Variants in XPOT observed in about 807,000 individuals in gnomAD.
XPOT encodes exportin for tRNA.
XPOT carries 34 observed loss-of-function variants against 128.2 expected under a neutral mutation model. The observed-to-expected ratio is 0.27, with a 90% CI of 0.20 to 0.35. XPOT has a LOEUF of 0.35. Ranked by LOEUF, XPOT falls within the 10% of genes least tolerant of loss-of-function variation. The pLI is 1.00. For synonymous variants in XPOT, 348 were observed against 394.3 expected (o/e 0.88, Z 1.39); for missense variants, 838 against 1,125.3 (o/e 0.74, Z 3.65).
intron 15 of XPOT, among the ~76,000 whole-genome samples, chr12:64,426,573 C>T (rs2040194487): frequency 6.6e-6 from 1 of 152,166 alleles, no homozygotes; most frequent in Non-Finnish European, 1.5e-5. Context: ...GAAAAACTTC[C>T]TGTTGGGTAC....
intron 23 of XPOT, among the ~76,000 whole-genome samples, chr12:64,440,836 A>G (rs771705536): frequency 5.9e-5 from 9 of 152,240 alleles, no homozygotes; most frequent in Non-Finnish European, 1.2e-4. Flanking sequence ...GTTTTTTTAT[A>G]TGTTAGAAAT....
In XPOT at chr12:64,404,463, C is replaced by G. The variant is rs1409728536; in HGVS notation, c.-416C>G. On this transcript the variant is annotated 5_prime_UTR_variant, in exon 1 of 25. Coordinates refer to ENST00000332707, the MANE Select transcript of XPOT (RefSeq NM_007235.6). ...ACGCGGGGAGCGCGCTTCGCGCTGA[C>G]TCAGCGGCGGCGGCGGCTGCGGCGG... The G allele has an allele frequency of 1.3e-5, 2 of 157,752 alleles. No individual in the cohort carries two copies. The highest frequency in any genetic ancestry group is 3.7e-4 in the East Asian group (2 of 5,412). The allele number at this position is 157,752 out of a possible 1,614,324, so 9.8% of individuals were successfully genotyped here.
intron 16 of XPOT, among the ~76,000 whole-genome samples, chr12:64,429,203 C>A (rs1185289282): frequency 1.3e-5 from 2 of 152,116 alleles, no homozygotes; most frequent in Non-Finnish European, 2.9e-5. Flanking sequence ...TTCTGATGTT[C>A]AAGGCCGCAG....
chr12:64,448,136 T>A lies in XPOT; in HGVS notation c.*5T>A. 6.2e-7 allele frequency: 1 copy of A among 1,613,872 alleles called. No homozygotes were observed. The highest frequency in any genetic ancestry group is 8.5e-7 in the Non-Finnish European group (1 of 1,179,788). Reference sequence around the variant, plus strand: ...TTCCAGAGAGCAAAGCCCTGAGGACTGGATTTCCCTGTGCCTACTTCATGA... The same window carrying A: ...TTCCAGAGAGCAAAGCCCTGAGGACAGGATTTCCCTGTGCCTACTTCATGA... On this transcript the variant is annotated 3_prime_UTR_variant, in exon 25 of 25. Coordinates refer to ENST00000332707, the MANE Select transcript of XPOT (RefSeq NM_007235.6).
At chr12:64,431,153 A>G (rs549575697) in intron 17 of XPOT, among the ~76,000 whole-genome samples, 1 of 152,324 alleles carries the variant, frequency 6.6e-6, no homozygotes, top group African/African-American at 2.4e-5. Context: ...CATGTTGTCC[A>G]GACTGGTCTT....
intron 24 of XPOT, among the ~76,000 whole-genome samples, chr12:64,446,366 T>C (rs568639801): frequency 2.9e-4 from 44 of 152,176 alleles, no homozygotes; most frequent in Non-Finnish European, 5.7e-4. Flanking sequence ...ATTATTCTAG[T>C]TGGAAAAAAT....
chr12:64,421,212 A>C (rs1162167610), intron 8 of XPOT, 23 bp from the exon 9 acceptor site: 2 of 1,568,304 alleles, frequency 1.3e-6, no homozygotes, highest in Non-Finnish European at 1.8e-6. Flanking sequence ...TTTTAAACAG[A>C]GATGTGTCTT....
At chr12:64,442,464 C>T (rs2040332913) in intron 23 of XPOT, 1 of 152,366 alleles carries the variant, frequency 6.6e-6, no homozygotes, top group Admixed American at 6.5e-5. Context: ...ACCAAGGTAA[C>T]CCCATATCAA....
At chr12:64,419,851 A>G (rs1298825991) in intron 6 of XPOT, among the ~76,000 whole-genome samples, 2 of 152,232 alleles carry the variant, frequency 1.3e-5, no homozygotes, top group Non-Finnish European at 2.9e-5. Flanking sequence ...AGTGCTTTTT[A>G]TAGTTTGTAT....
At chr12:64,434,184 T>A (rs1365439799) in intron 19 of XPOT, among the ~76,000 whole-genome samples, 1 of 152,092 alleles carries the variant, frequency 6.6e-6, no homozygotes, top group African/African-American at 2.4e-5. Context: ...TTATTTTTTG[T>A]AGAGATGGGA....
intron 5 of XPOT, 120 bp from the exon 6 acceptor site, chr12:64,418,756 G>T: frequency 1.3e-6 from 1 of 751,078 alleles, no homozygotes; most frequent in Non-Finnish European, 2.2e-6. Flanking sequence ...AGTATTTGTT[G>T]CATAGTTTAT....
intron 1 of XPOT, among the ~76,000 whole-genome samples, chr12:64,407,578 G>T (rs550371862): frequency 6.6e-5 from 10 of 152,292 alleles, no homozygotes; most frequent in Admixed American, 5.9e-4. Context: ...CAATTTGGGA[G>T]AGTTGGACAA....
intron 15 of XPOT, 43 bp from the exon 16 acceptor site, chr12:64,428,008 T>G: frequency 7.5e-7 from 1 of 1,329,606 alleles, no homozygotes; most frequent in Non-Finnish European, 1.1e-6. Flanking sequence ...AGCACTGTTT[T>G]GAGCACTGTT....
chr12:64,419,107 C>T lies in XPOT; in HGVS notation c.489+13C>T, dbSNP rs2040115275. On this transcript the variant is annotated intron_variant, in intron 6 of 24. Transcript: ENST00000332707. Reference sequence around the variant, plus strand: ...GCATACATCAGAGGCAAGTAACTAACCATGAATTTTTTATATTTAATGTAA... The same window carrying T: ...GCATACATCAGAGGCAAGTAACTAATCATGAATTTTTTATATTTAATGTAA... 6.3e-7 allele frequency: 1 copy of T among 1,599,282 alleles called. No individual in the cohort carries two copies. The highest frequency in any genetic ancestry group is 1.7e-5 in the Admixed American group (1 of 58,636).
chr12:64,419,313 A>G (rs567182475), intron 6 of XPOT, among the ~76,000 whole-genome samples: 1 of 151,958 alleles, frequency 6.6e-6, no homozygotes, highest in South Asian at 2.1e-4. Context: ...ATTACATTAC[A>G]TTTTTTATTT....
At chr12:64,422,807 G>T (rs565955384) in intron 9 of XPOT, among the ~76,000 whole-genome samples, 198 bp from the exon 10 acceptor site, 1 of 151,910 alleles carries the variant, frequency 6.6e-6, no homozygotes, top group East Asian at 1.9e-4. Flanking sequence ...GGAGGGTGAG[G>T]TGGGAGGATC....
intron 16 of XPOT, 131 bp downstream of exon 16, chr12:64,428,251 C>G: frequency 1.7e-6 from 1 of 600,750 alleles, no homozygotes. Context: ...AAGATTAGTT[C>G]TATTTACCAA....
chr12:64,412,365 A>G (rs565136775), intron 2 of XPOT, among the ~76,000 whole-genome samples: 1 of 152,148 alleles, frequency 6.6e-6, no homozygotes, highest in East Asian at 1.9e-4. Context: ...TTTGGCTTAA[A>G]ACCTGTTATT....
At chr12:64,438,703 C>G (rs1042094351) in intron 22 of XPOT, among the ~76,000 whole-genome samples, 5 of 151,652 alleles carry the variant, frequency 3.3e-5, no homozygotes, top group African/African-American at 1.2e-4. Context: ...TCTCGGCTCA[C>G]TGCAGCCTGC....
Sources: allele counts gnomAD v4.1 joint callset (sites outside exome capture counted in the v4.1 genomes callset), GRCh38; gene constraint gnomAD v4.1.1; transcripts MANE v1.5; gene names NCBI Gene and HGNC (gene_info 2026-07-23, HGNC 2026-07-21).